DTNA: variants seen among roughly 807,000 people sequenced by gnomAD.
DTNA encodes the protein dystrobrevin alpha.
A neutral mutation model predicts 100.7 loss-of-function variants in DTNA; 43 were observed. The observed-to-expected ratio is 0.43, with a 90% CI of 0.33 to 0.55. The LOEUF is 0.55. Ranked by LOEUF, DTNA falls within the 20% of genes least tolerant of loss-of-function variation. The pLI is 0.04. For synonymous variants in DTNA, 349 were observed against 347.9 expected (o/e 1.00, Z -0.04); for missense variants, 798 against 953.9 (o/e 0.84, Z 2.15).
intron 1 of DTNA, among the ~76,000 whole-genome samples, chr18:34,673,110 A>T (rs1446809164): frequency 6.6e-6 from 1 of 151,986 alleles, no homozygotes; most frequent in East Asian, 1.9e-4. Flanking sequence ...TTTTTGAGAG[A>T]GGATCTCACT....
chr18:34,740,665 G>A (rs1308096242), intron 1 of DTNA, among the ~76,000 whole-genome samples: 1 of 152,024 alleles, frequency 6.6e-6, no homozygotes, highest in Non-Finnish European at 1.5e-5. Flanking sequence ...GCATGATGGT[G>A]CACGCCTGTG....
intron 1 of DTNA, among the ~76,000 whole-genome samples, chr18:34,646,950 G>A (rs546775691): frequency 1.6e-4 from 24 of 151,856 alleles, no homozygotes; most frequent in African/African-American, 5.3e-4. Flanking sequence ...TCTTGACCTC[G>A]TGATCCACCC....
chr18:34,512,359 T>C (rs890215262), intron 1 of DTNA, among the ~76,000 whole-genome samples: 1 of 152,062 alleles, frequency 6.6e-6, no homozygotes, highest in Non-Finnish European at 1.5e-5. Context: ...AGGTACACAC[T>C]AGTAAATCAT....
At chr18:34,770,614 A>T (rs2093715114) in intron 3 of DTNA, among the ~76,000 whole-genome samples, 1 of 152,130 alleles carries the variant, frequency 6.6e-6, no homozygotes, top group African/African-American at 2.4e-5. Context: ...AAGGACTCTG[A>T]ACAAGAGGCC....
At chr18:34,795,454 G>T (rs942208303) in intron 4 of DTNA, among the ~76,000 whole-genome samples, 2 of 152,184 alleles carry the variant, frequency 1.3e-5, no homozygotes, top group Non-Finnish European at 2.9e-5. Context: ...ACTTCAGAAC[G>T]AGATGTACAG....
intron 1 of DTNA, among the ~76,000 whole-genome samples, chr18:34,732,779 T>A (rs1192673954): frequency 3.9e-5 from 6 of 152,212 alleles, no homozygotes; most frequent in Non-Finnish European, 8.8e-5. Flanking sequence ...CAATTTCAGA[T>A]AAATGGTGAG....
intron 1 of DTNA, among the ~76,000 whole-genome samples, chr18:34,653,183 C>G (rs1313810832): frequency 2.0e-5 from 3 of 151,960 alleles, no homozygotes; most frequent in African/African-American, 7.3e-5. Context: ...TTTACTCATG[C>G]TTTTTATTTA....
chr18:34,654,405 A>T (rs2074057502), intron 1 of DTNA, among the ~76,000 whole-genome samples: 1 of 152,222 alleles, frequency 6.6e-6, no homozygotes, highest in African/African-American at 2.4e-5. Context: ...AGATTTCTCT[A>T]AGTAAGCTCT....
At chr18:34,698,546 G>A (rs1041345803) in intron 1 of DTNA, among the ~76,000 whole-genome samples, 2 of 152,114 alleles carry the variant, frequency 1.3e-5, no homozygotes, top group Admixed American at 6.5e-5. Flanking sequence ...GATACTAGTT[G>A]TCTTATGGTT....
At chr18:34,828,868 G>C (rs1377843134) in intron 10 of DTNA, among the ~76,000 whole-genome samples, 1 of 151,570 alleles carries the variant, frequency 6.6e-6, no homozygotes, top group Non-Finnish European at 1.5e-5. Context: ...TTTTTTTCTG[G>C]AATGAAATCA....
chr18:34,631,423 C>T (rs2058066386), intron 1 of DTNA, among the ~76,000 whole-genome samples: 1 of 152,046 alleles, frequency 6.6e-6, no homozygotes, highest in Non-Finnish European at 1.5e-5. Flanking sequence ...ATTTTTATCA[C>T]TATTTTTAAA....
intron 1 of DTNA, among the ~76,000 whole-genome samples, chr18:34,586,112 A>C (rs764091502): frequency 2.7e-4 from 41 of 152,158 alleles, no homozygotes; most frequent in Non-Finnish European, 4.9e-4. Context: ...TCAGTGAACT[A>C]TTTCCTTTGA....
chr18:34,802,902 T>C (rs906439579), intron 4 of DTNA, among the ~76,000 whole-genome samples: 1 of 152,220 alleles, frequency 6.6e-6, no homozygotes, highest in African/African-American at 2.4e-5. Context: ...AAAAAGCTGA[T>C]ATTTTTTAAA....
At chr18:34,508,644 T>C (rs72949489) in intron 1 of DTNA, among the ~76,000 whole-genome samples, 2,990 of 152,298 alleles carry the variant, frequency 0.02, 51 homozygotes, top group Non-Finnish European at 0.028. Context: ...CAGCCCTGAA[T>C]ATGATTCAGT....
rs189762304 is a variant in DTNA, at chr18:34,608,180, G to A, written c.-2+114666G>A. ...TCATTTTATATATCTAAGTAACTGG[G>A]TTGGTATTTATATGAATTGGAAGCA... On this transcript the variant is annotated intron_variant, in intron 1 of 19. Transcript: ENST00000283365. Among the ~76,000 whole-genome samples, 10 of 152,234 alleles carry A rather than the reference G, an allele frequency of 6.6e-5. No homozygotes were observed. The East Asian group carries it at 1.9e-3, about 29-fold the overall frequency.
intron 1 of DTNA, among the ~76,000 whole-genome samples, chr18:34,746,593 T>G (rs549767850): frequency 1.0e-3 from 157 of 152,268 alleles, no homozygotes; most frequent in Non-Finnish European, 2.0e-3. Context: ...CTGGTGCAGT[T>G]CTAAAGGCAG....
chr18:34,773,483 T>C (rs1168381941), intron 3 of DTNA, among the ~76,000 whole-genome samples: 1 of 152,198 alleles, frequency 6.6e-6, no homozygotes, highest in Non-Finnish European at 1.5e-5. Context: ...ATATTCACAG[T>C]TGGGGAAATA....
chr18:34,604,172 G>A (rs1192667478), intron 1 of DTNA, among the ~76,000 whole-genome samples: 1 of 152,176 alleles, frequency 6.6e-6, no homozygotes, highest in Non-Finnish European at 1.5e-5. Flanking sequence ...GCTTAGGCGT[G>A]ACCGGGTGTG....
At chr18:34,668,769 G>T (rs1041244397) in intron 1 of DTNA, among the ~76,000 whole-genome samples, 2 of 152,120 alleles carry the variant, frequency 1.3e-5, no homozygotes, top group Non-Finnish European at 2.9e-5. Flanking sequence ...GTTCTAGTTT[G>T]ATTGCACTGT....
Sources: allele counts gnomAD v4.1 joint callset (sites outside exome capture counted in the v4.1 genomes callset), GRCh38; gene constraint gnomAD v4.1.1; transcripts MANE v1.5; gene names NCBI Gene and HGNC (gene_info 2026-07-23, HGNC 2026-07-21).